Variants in MFRP observed in about 807,000 individuals in gnomAD.
MFRP encodes C1q and TNF related 5.
MFRP carries 74 observed loss-of-function variants against 65.8 expected under a neutral mutation model. That is an observed-to-expected ratio of 1.12 (90% confidence interval 0.93 to 1.36). The LOEUF (loss-of-function observed/expected upper bound fraction) is 1.36. Among genes scored for constraint, MFRP ranks in the 40% most tolerant of loss-of-function variants. The pLI is 0.00. For synonymous variants in MFRP, 336 were observed against 288.3 expected (o/e 1.17, Z -1.68); for missense variants, 838 against 736.0 (o/e 1.14, Z -1.60).
Position 119,346,566 on chromosome 11 carries a change from C to G in MFRP, c.-53G>C. On this transcript the variant is annotated 5_prime_UTR_variant, in exon 1 of 15. Transcript: ENST00000619721. ...AGTCCCTGTGACAGCCCAAGACCCC[C>G]AAGGGCCCACTCGCTGACCACAAAC... The G allele has an allele frequency of 6.3e-7, 1 of 1,582,392 alleles. No individual in the cohort carries two copies. The highest frequency in any genetic ancestry group is 8.7e-7 in the Non-Finnish European group (1 of 1,152,246).
In MFRP at chr11:119,345,909, TG is replaced by T; in HGVS notation, c.290del (p.Pro97HisfsTer40). Reference protein sequence around the residue: ...IILAQLQAAPPSGASHSPLPA... With the variant: ...IILAQLQAAPXSGASHSPLPA... ...GCAGTGGGCTATGGGACGCCCCAGA[TG>T]GGGGTGCAGCCTGCAGCTCTGGAGG... On this transcript the variant is annotated frameshift_variant, in exon 4 of 15. Coordinates refer to ENST00000619721, the MANE Select transcript of MFRP (RefSeq NM_031433.4). LOFTEE classifies it high-confidence loss of function. 6.2e-7 allele frequency: 1 copy of T among 1,613,520 alleles called. No homozygotes were observed. The highest frequency in any genetic ancestry group is 8.5e-7 in the Non-Finnish European group (1 of 1,179,808).
In MFRP at chr11:119,341,579, GC is replaced by G; in HGVS notation, c.1708del (p.Ala570GlnfsTer160). Reference protein sequence around the residue: ...WPFNCNRLPEAADLEACAQP With the variant: ...WPFNCNRLPEXADLEACAQP Reference sequence around the variant, plus strand: ...CTGGGCACAAGCTTCCAGGTCAGCTGCCTCTGGCAGCCTGTTGCAGTTGAAG... The same window carrying G: ...CTGGGCACAAGCTTCCAGGTCAGCTGCTCTGGCAGCCTGTTGCAGTTGAAG... On this transcript the variant is annotated frameshift_variant, in exon 13 of 15. Coordinates refer to ENST00000619721, the MANE Select transcript of MFRP (RefSeq NM_031433.4). LOFTEE classifies it high-confidence loss of function. 7 of 1,612,846 alleles carry G rather than the reference GC, an allele frequency of 4.3e-6. No homozygotes were observed. The highest frequency in any genetic ancestry group is 5.1e-6 in the Non-Finnish European group (6 of 1,179,972).
At chr11:119,342,154 C>A (rs1565292848) in intron 11 of MFRP, among the ~76,000 whole-genome samples, 170 bp from the exon 12 acceptor site, 1 of 152,216 alleles carries the variant, frequency 6.6e-6, no homozygotes, top group Non-Finnish European at 1.5e-5. Context: ...GGATCCCTGC[C>A]ATCCCTGAGA....
At chr11:119,344,559 G>C in intron 7 of MFRP, 73 bp downstream of exon 7, 2 of 1,611,198 alleles carry the variant, frequency 1.2e-6, no homozygotes, top group Middle Eastern at 1.8e-4. Flanking sequence ...TTTGAGGCTG[G>C]ACCAGAGCTG....
intron 13 of MFRP, 30 bp from the exon 14 acceptor site, chr11:119,340,470 C>T (rs1003860933): frequency 8.3e-5 from 122 of 1,467,238 alleles, no homozygotes; most frequent in Non-Finnish European, 1.1e-4. Context: ...GGAGTCGGGA[C>T]CCAGAATCCT....
rs777456147 is a variant in MFRP at position 119,341,709 on chromosome 11, G to C, written c.1579C>G (p.Arg527Gly). Reference sequence around the variant, plus strand: ...AGAACACTGCCTAGTGGGGTGCAACGGGGCACAAGCAGCCCACACAGGAGC... The same window carrying C: ...AGAACACTGCCTAGTGGGGTGCAACCGGGCACAAGCAGCCCACACAGGAGC... ...RRLLCGLLVP[R>G]CTPLGSVLPP... The change falls in exon 13 of 15, where the codon CGT becomes GGT. Residue 527 changes from arginine (R) to glycine (G), a missense_variant. Transcript: ENST00000619721. The C allele has an allele frequency of 6.2e-7, 1 of 1,613,098 alleles. No homozygotes were observed. The highest frequency in any genetic ancestry group is 1.3e-5 in the African/African-American group (1 of 74,944).
rs200706397 is a variant in MFRP at position 119,339,875 on chromosome 11, G to A, written c.*1111-27C>T. ...TGCGGGGTAAGCGGGGCGGCAGGGTGAGAGTAGCGGCGGCTCAGCCCGCAG... is the reference window on the plus strand; with the variant it reads ...TGCGGGGTAAGCGGGGCGGCAGGGTAAGAGTAGCGGCGGCTCAGCCCGCAG... On this transcript the variant is annotated intron_variant, in intron 14 of 14. Transcript: ENST00000619721. This position sits in a 1 kb window ranked among gnomAD's most constrained non-coding sequence, Gnocchi z 5.4. The A allele has an allele frequency of 4.8e-5, 70 of 1,443,840 alleles. 1 individual carries two copies. The Admixed American group carries it at 1.4e-3, about 29-fold the overall frequency. 89.4% of individuals were successfully genotyped at this position (1,443,840 alleles called of 1,614,324 possible).
Position 119,342,925 on chromosome 11 carries a change from G to A in MFRP, c.1203C>T (p.Gly401=). ...ELAVLFRTDH[G]ISSGGFSATY... is the part of the protein sequence containing the mutation. Reference sequence around the variant, plus strand: ...TGGCTGAGAAGCCTCCACTGCTGATGCCATGATCTGTCCTAAACAGCACAG... The same window carrying A: ...TGGCTGAGAAGCCTCCACTGCTGATACCATGATCTGTCCTAAACAGCACAG... Residue 401 remains glycine, a synonymous_variant, in exon 10 of 15, where the codon GGC becomes GGT. Transcript: ENST00000619721. 6.2e-7 allele frequency: 1 copy of A among 1,612,848 alleles called. No individual in the cohort carries two copies. Among genetic ancestry groups the A allele is most frequent in the South Asian group, 1.1e-5 (1 of 90,982 alleles).
rs1410540801 is a variant in MFRP at position 119,345,544 on chromosome 11, G to A, written c.517C>T (p.His173Tyr). 2.5e-6 allele frequency: 4 copies of A among 1,613,986 alleles called. No homozygotes were observed. Among genetic ancestry groups the A allele is most frequent in the Non-Finnish European group, 3.4e-6 (4 of 1,180,052 alleles). The change falls in exon 5 of 15, where the codon CAT (histidine) becomes TAT (tyrosine). Residue 173 changes from histidine to tyrosine, a missense_variant. By Grantham distance (83) the His-to-Tyr change is moderately conservative. Transcript: ENST00000619721. The stretch of plus-strand genomic sequence containing the variant: ...GCATGGTCTGTGGCCACCTGGATAT[G>A]CCACACGCAGTGGGTGTTGGGGGGG... ...PYPPNTHCVW[H>Y]IQVATDHAIQ... is the part of the protein sequence containing the mutation.
Position 119,339,159 on chromosome 11 carries a change from C to G in MFRP, c.*1800G>C. Reference sequence around the variant, plus strand: ...ACTGCCCCATGCTGCCAGACCTGATCGCAGACAGCCACTGTTCCCATTCCT... The same window carrying G: ...ACTGCCCCATGCTGCCAGACCTGATGGCAGACAGCCACTGTTCCCATTCCT... On this transcript the variant is annotated 3_prime_UTR_variant, in exon 15 of 15. Transcript: ENST00000619721. The surrounding 1 kb of genome is among the most constrained non-coding windows in gnomAD (Gnocchi z 5.4). The G allele has an allele frequency of 1.4e-6, 1 of 718,180 alleles. No individual in the cohort carries two copies. The highest frequency in any genetic ancestry group is 2.3e-6 in the Non-Finnish European group (1 of 444,112). The allele number at this position is 718,180 out of a possible 1,614,324, so 44.5% of individuals were successfully genotyped here. A position where few individuals can be genotyped will look rare whatever the true frequency, so the allele number is the denominator to read the frequency against.
chr11:119,339,235 A>C lies in MFRP; in HGVS notation c.*1724T>G. The C allele has an allele frequency of 3.6e-6, 5 of 1,402,704 alleles. No individual in the cohort carries two copies. The highest frequency in any genetic ancestry group is 4.9e-6 in the Non-Finnish European group (5 of 1,024,544). 86.9% of individuals were successfully genotyped at this position (1,402,704 alleles called of 1,614,324 possible). On this transcript the variant is annotated 3_prime_UTR_variant, in exon 15 of 15. Transcript: ENST00000619721. This position sits in a 1 kb window ranked among gnomAD's most constrained non-coding sequence, Gnocchi z 5.4. ...CTACCCCACCTCCCTAGTCATTCAC[A>C]ATATTCCAGGGGGGCCAGCCCTCCT... is the stretch of plus-strand genomic sequence containing the variant.
Position 119,344,325 on chromosome 11 carries a change from G to A in MFRP, c.965C>T (p.Pro322Leu), listed in dbSNP as rs774285673. ...FSTPSYLQQY[P>L]HQLLCTWHIS... ...GAGCACTGTGCTTACCAGTTGGTGA[G>A]GGTACTGCTGCAGGTAGCTGGGAGT... Residue 322 changes from proline (P) to leucine (L), a missense_variant, in exon 8 of 15, where the codon CCT (proline) becomes CTT (leucine). Physicochemically the swap from Pro to Leu is moderately conservative, Grantham distance 98. Coordinates refer to ENST00000619721, the MANE Select transcript of MFRP (RefSeq NM_031433.4). The A allele has an allele frequency of 2.4e-5, 38 of 1,613,908 alleles. No homozygotes were observed. The highest frequency in any genetic ancestry group is 2.5e-5 in the Non-Finnish European group (30 of 1,179,960).
chr11:119,345,012 A>G lies in MFRP; in HGVS notation c.642-8T>C. ...GGCACCCTTCCACAAACCCTGCAAG[A>G]AGCCAGGTTGGGGGTGAGGGAGGCT... is the stretch of plus-strand genomic sequence containing the variant. On this transcript the variant is annotated splice_region_variant and splice_polypyrimidine_tract_variant and intron_variant, in intron 5 of 14. Coordinates refer to ENST00000619721, the MANE Select transcript of MFRP (RefSeq NM_031433.4). 1 of 1,601,686 alleles carries G rather than the reference A, an allele frequency of 6.2e-7. No individual in the cohort carries two copies. The highest frequency in any genetic ancestry group is 8.5e-7 in the Non-Finnish European group (1 of 1,175,540).
At position 119,339,851 on chromosome 11, in the gene MFRP, G is replaced by A. The variant is rs1246824857; in HGVS notation, c.*1111-3C>T. The A allele has an allele frequency of 4.1e-6, 6 of 1,467,620 alleles. No individual in the cohort carries two copies. The African/African-American group carries it at 5.7e-5, about 14-fold the overall frequency. The allele number at this position is 1,467,620 out of a possible 1,614,324, so 90.9% of individuals were successfully genotyped here. A position where few individuals can be genotyped will look rare whatever the true frequency, so the allele number is the denominator to read the frequency against. Reference sequence around the variant, plus strand: ...GTCCCCTCGAGGTCCCGGCAGTCCTGCGGGGTAAGCGGGGCGGCAGGGTGA... The same window carrying A: ...GTCCCCTCGAGGTCCCGGCAGTCCTACGGGGTAAGCGGGGCGGCAGGGTGA... On this transcript the variant is annotated splice_region_variant and splice_polypyrimidine_tract_variant and intron_variant, in intron 14 of 14. Transcript: ENST00000619721. This position sits in a 1 kb window ranked among gnomAD's most constrained non-coding sequence, Gnocchi z 5.4.
At position 119,343,897 on chromosome 11, in the gene MFRP, A is replaced by G. The variant is rs745442547; in HGVS notation, c.1043T>C (p.Leu348Pro). Residue 348 changes from leucine to proline, a missense_variant, in exon 9 of 15, where the codon CTG (leucine) becomes CCG (proline). Transcript: ENST00000619721. ...SIELQFHNFS[L>P]EAQDECKFDY... ...AAACTTGCACTCGTCCTGAGCCTCC[A>G]GGCTGAAGTTGTGGAACTGTAGTTC... 1.9e-6 allele frequency: 3 copies of G among 1,613,682 alleles called. No homozygotes were observed. The highest frequency in any genetic ancestry group is 2.5e-6 in the Non-Finnish European group (3 of 1,179,988).
rs141109062 is a variant in MFRP, at chr11:119,345,885, C to T, written c.315G>A (p.Leu105=). 204 of 1,613,490 alleles carry T rather than the reference C, an allele frequency of 1.3e-4. No individual in the cohort carries two copies. In the African/African-American group the frequency reaches 2.6e-3, roughly 20 times the overall value. Reference sequence around the variant, plus strand: ...TGGTCGTGGTAAGGCCTCCGGCAGGCAGTGGGCTATGGGACGCCCCAGATG... The same window carrying T: ...TGGTCGTGGTAAGGCCTCCGGCAGGTAGTGGGCTATGGGACGCCCCAGATG... The part of the protein sequence containing the change: ...APPSGASHSP[L]PAGGLTTTTT... The change falls in exon 4 of 15, where the codon CTG becomes CTA. Residue 105 remains leucine (L), a synonymous_variant. Coordinates refer to ENST00000619721, the MANE Select transcript of MFRP (RefSeq NM_031433.4).
chr11:119,340,091 G>T, intron 14 of MFRP, 93 bp downstream of exon 14: 1 of 1,396,506 alleles, frequency 7.2e-7, no homozygotes, highest in Non-Finnish European at 9.4e-7. Flanking sequence ...GGCGCCCCCT[G>T]GCGGGAGACC....
rs1487194905 is a variant in MFRP at position 119,342,532 on chromosome 11, G to A, written c.1387+64C>T. The A allele has an allele frequency of 1.6e-5, 25 of 1,596,872 alleles. No individual in the cohort carries two copies. In the African/African-American group the frequency reaches 1.7e-4, roughly 11 times the overall value. On this transcript the variant is annotated intron_variant, in intron 11 of 14. Coordinates refer to ENST00000619721, the MANE Select transcript of MFRP (RefSeq NM_031433.4). ...GTTGGGATGGGACACTGTGCAGTAC[G>A]GCAGTAGGGTTCTGTGAGGTGGGCA...
At chr11:119,340,100 C>A in intron 14 of MFRP, 84 bp downstream of exon 14, 1 of 1,425,018 alleles carries the variant, frequency 7.0e-7, no homozygotes, top group Non-Finnish European at 9.2e-7. Flanking sequence ...TGGCGGGAGA[C>A]CCGAGTCCCG....
Sources: allele counts gnomAD v4.1 joint callset (sites outside exome capture counted in the v4.1 genomes callset), GRCh38; gene constraint gnomAD v4.1.1; non-coding constraint Gnocchi (gnomAD v3.1); transcripts MANE v1.5; gene names NCBI Gene and HGNC (gene_info 2026-07-23, HGNC 2026-07-21).